Variants in VWC2L observed in about 807,000 individuals in gnomAD.
The protein encoded by VWC2L is von Willebrand factor C domain-containing protein 2-like.
Under a neutral mutation model 21.6 loss-of-function variants are expected in VWC2L, and 10 were observed. That is an observed-to-expected ratio of 0.46 (90% CI 0.29 to 0.78). The LOEUF is 0.78. VWC2L is among the 30% of genes least tolerant of loss of function. VWC2L has a pLI of 0.10. For missense variants in VWC2L, 209 were observed against 277.1 expected (o/e 0.75, Z 1.74); for synonymous variants, 96 against 94.3 (o/e 1.02, Z -0.10).
intron 3 of VWC2L, among the ~76,000 whole-genome samples, chr2:214,440,643 C>T (rs902752799): frequency 6.6e-6 from 1 of 152,026 alleles, no homozygotes; most frequent in Non-Finnish European, 1.5e-5. Context: ...ATATATATAG[C>T]TAAAAATACC....
chr2:214,500,962 G>T (rs1034907005), intron 3 of VWC2L, among the ~76,000 whole-genome samples: 1 of 152,120 alleles, frequency 6.6e-6, no homozygotes, highest in African/African-American at 2.4e-5. Context: ...TCATCAGGTT[G>T]TACTCTCTAA....
chr2:214,564,534 T>C (rs4673864), intron 3 of VWC2L, among the ~76,000 whole-genome samples: 113,718 of 151,524 alleles, frequency 0.75, 42,919 homozygotes, highest in East Asian at 0.83. Flanking sequence ...TCTCCACAGC[T>C]ACGCATGGTA....
chr2:214,510,589 G>C (rs770978697), intron 3 of VWC2L, among the ~76,000 whole-genome samples: 1 of 152,128 alleles, frequency 6.6e-6, no homozygotes, highest in Non-Finnish European at 1.5e-5. Flanking sequence ...GGAAGGACTT[G>C]TCAATCTAAT....
At chr2:214,462,886 C>G (rs554038587) in intron 3 of VWC2L, among the ~76,000 whole-genome samples, 22 of 152,144 alleles carry the variant, frequency 1.4e-4, no homozygotes, top group African/African-American at 4.8e-4. Flanking sequence ...TTAATTTATT[C>G]TTTGAATCAT....
chr2:214,437,959 GCTC>G (rs1702701867), intron 3 of VWC2L, among the ~76,000 whole-genome samples: 1 of 150,100 alleles, frequency 6.7e-6, no homozygotes, highest in Non-Finnish European at 1.5e-5. Context: ...TGCTCATCTC[GCTC>G]CTCTTTTTCT....
At chr2:214,504,966 C>A (rs534922279) in intron 3 of VWC2L, among the ~76,000 whole-genome samples, 7 of 152,298 alleles carry the variant, frequency 4.6e-5, no homozygotes, top group Non-Finnish European at 7.3e-5. Context: ...ATAAATTTGA[C>A]TGGCCTGAAC....
Position 214,575,857 on chromosome 2 carries a change from G to A in VWC2L, c.*37G>A. Reference sequence around the variant, plus strand: ...ACCCAATGATGAGTTCTTAGGAAAGGATGCTATGGCTTCAACACTGCACAT... The same window carrying A: ...ACCCAATGATGAGTTCTTAGGAAAGAATGCTATGGCTTCAACACTGCACAT... On this transcript the variant is annotated 3_prime_UTR_variant, in exon 4 of 4. Coordinates refer to ENST00000312504, the MANE Select transcript of VWC2L (RefSeq NM_001080500.4). The A allele has an allele frequency of 1.3e-6, 2 of 1,591,960 alleles. No homozygotes were observed. Among genetic ancestry groups the A allele is most frequent in the Non-Finnish European group, 1.7e-6 (2 of 1,164,142 alleles).
intron 3 of VWC2L, among the ~76,000 whole-genome samples, chr2:214,567,575 C>CAGAG (rs1451478991): frequency 8.4e-4 from 108 of 127,860 alleles, no homozygotes; most frequent in African/African-American, 2.9e-3. Flanking sequence ...CACACACACA[C>CAGAG]ACACACACAC....
intron 3 of VWC2L, among the ~76,000 whole-genome samples, chr2:214,524,363 G>A (rs1014218301): frequency 4.6e-5 from 7 of 151,988 alleles, no homozygotes; most frequent in South Asian, 4.2e-4. Context: ...GTCTGTTTCC[G>A]GTCATTCTTT....
chr2:214,532,505 T>C (rs1315517843), intron 3 of VWC2L, among the ~76,000 whole-genome samples: 1 of 152,160 alleles, frequency 6.6e-6, no homozygotes, highest in Non-Finnish European at 1.5e-5. Flanking sequence ...GATATAATCC[T>C]TTTATGATTG....
At chr2:214,524,516 A>G (rs917956537) in intron 3 of VWC2L, among the ~76,000 whole-genome samples, 2 of 152,196 alleles carry the variant, frequency 1.3e-5, no homozygotes, top group Non-Finnish European at 2.9e-5. Context: ...TTTATGGGCA[A>G]TACAAATTGT....
chr2:214,449,603 G>A (rs1223563896), intron 3 of VWC2L, among the ~76,000 whole-genome samples: 2 of 152,314 alleles, frequency 1.3e-5, no homozygotes, highest in East Asian at 3.9e-4. Context: ...AAGAATTGCT[G>A]TGGCAGTGGC....
chr2:214,437,969 T>C (rs1384135412), intron 3 of VWC2L, among the ~76,000 whole-genome samples: 1 of 151,964 alleles, frequency 6.6e-6, no homozygotes, highest in African/African-American at 2.4e-5. Flanking sequence ...GCTCCTCTTT[T>C]TCTTCTTATC....
intron 3 of VWC2L, among the ~76,000 whole-genome samples, chr2:214,452,171 T>G (rs1702966038): frequency 6.6e-6 from 1 of 152,144 alleles, no homozygotes; most frequent in African/African-American, 2.4e-5. Context: ...TGTGTTTGTG[T>G]GCATGGCAGG....
chr2:214,498,280 GA>G (rs1266303133), intron 3 of VWC2L, among the ~76,000 whole-genome samples: 4 of 152,268 alleles, frequency 2.6e-5, no homozygotes, highest in African/African-American at 9.6e-5. Flanking sequence ...AATGGACATA[GA>G]GAAAAACTCT....
At position 214,414,348 on chromosome 2, in the gene VWC2L, G is replaced by T. The variant is rs369699352; in HGVS notation, c.155G>T (p.Gly52Val). 1.9e-6 allele frequency: 3 copies of T among 1,613,618 alleles called. No homozygotes were observed. Among genetic ancestry groups the T allele is most frequent in the African/African-American group, 1.3e-5 (1 of 74,836 alleles). The stretch of plus-strand genomic sequence containing the variant: ...ATCTTTGATGACTATCGAGGGAAAG[G>T]GTGTGTCGATGACAGCGGCTTTGTA... ...NLIFDDYRGKGCVDDSGFVYK... is the reference protein window; with the variant it reads ...NLIFDDYRGKVCVDDSGFVYK... Residue 52 changes from glycine (G) to valine (V), a missense_variant, in exon 2 of 4, where the codon GGG (glycine) becomes GTG (valine). Transcript: ENST00000312504.
intron 3 of VWC2L, among the ~76,000 whole-genome samples, chr2:214,466,180 TGG>T (rs1703214792): frequency 6.6e-6 from 1 of 152,222 alleles, no homozygotes; most frequent in African/African-American, 2.4e-5. Flanking sequence ...GAATGACTAC[TGG>T]AGGCTTCTAT....
At chr2:214,443,577 G>A (rs1343763034) in intron 3 of VWC2L, among the ~76,000 whole-genome samples, 1 of 152,060 alleles carries the variant, frequency 6.6e-6, no homozygotes, top group Non-Finnish European at 1.5e-5. Flanking sequence ...CATTTGAGGA[G>A]AAAGAGCATG....
At position 214,577,201 on chromosome 2, in the gene VWC2L, T is replaced by G. The variant is rs1190225161; in HGVS notation, c.*1381T>G. The G allele has an allele frequency of 1.3e-5, 2 of 152,184 alleles. No homozygotes were observed. Among genetic ancestry groups the G allele is most frequent in the Non-Finnish European group, 2.9e-5 (2 of 68,050 alleles). The allele number at this position is 152,184 out of a possible 1,614,324, so 9.4% of individuals were successfully genotyped here. A position where few individuals can be genotyped will look rare whatever the true frequency, so the allele number is the denominator to read the frequency against. ...GATCTGATAGGGTCCTTGAAGAGAC[T>G]TTACAGTTGTCTTTATTATCAATGT... On this transcript the variant is annotated 3_prime_UTR_variant, in exon 4 of 4. Transcript: ENST00000312504.
Sources: allele counts gnomAD v4.1 joint callset (sites outside exome capture counted in the v4.1 genomes callset), GRCh38; gene constraint gnomAD v4.1.1; transcripts MANE v1.5; gene names NCBI Gene and HGNC (gene_info 2026-07-23, HGNC 2026-07-21).